SSH1: variants seen among roughly 807,000 people sequenced by gnomAD.
SSH1 encodes slingshot protein phosphatase 1.
SSH1 carries 43 observed loss-of-function variants against 79.7 expected under a neutral mutation model. The observed-to-expected ratio is 0.54, with a 90% CI of 0.42 to 0.70. The LOEUF (loss-of-function observed/expected upper bound fraction) is 0.70, where lower values mean the gene tolerates loss of function less well. SSH1 is among the 30% of genes least tolerant of loss of function. SSH1 has a pLI of 0.00. For synonymous variants in SSH1, 599 were observed against 538.3 expected (o/e 1.11, Z -1.56); for missense variants, 1,206 against 1,358.8 (o/e 0.89, Z 1.77).
chr12:108,846,775 C>T (rs891693954), intron 2 of SSH1, among the ~76,000 whole-genome samples: 2 of 152,218 alleles, frequency 1.3e-5, no homozygotes, highest in Non-Finnish European at 2.9e-5. Context: ...CAGGCCTGGA[C>T]CCAGCACCTG....
chr12:108,794,187 C>G (rs979148262), intron 13 of SSH1, among the ~76,000 whole-genome samples: 2 of 152,228 alleles, frequency 1.3e-5, no homozygotes, highest in Non-Finnish European at 2.9e-5. Context: ...CAACACCAGA[C>G]TGATATCTCC....
At chr12:108,799,779 G>A (rs1004729844) in intron 12 of SSH1, among the ~76,000 whole-genome samples, 1 of 152,076 alleles carries the variant, frequency 6.6e-6, no homozygotes, top group Non-Finnish European at 1.5e-5. Flanking sequence ...GGGGCTGGCC[G>A]TTTATTTGTA....
chr12:108,805,041 G>A lies in SSH1; in HGVS notation c.954+15C>T. 6.2e-7 allele frequency: 1 copy of A among 1,613,866 alleles called. No individual in the cohort carries two copies. Among genetic ancestry groups the A allele is most frequent in the East Asian group, 2.2e-5 (1 of 44,868 alleles). ...TGTCCCCCAAACCAGATACTGCCAG[G>A]GCCATGCCTCTTACGAGATAAAGAT... On this transcript the variant is annotated intron_variant, in intron 10 of 14. Coordinates refer to ENST00000326495, the MANE Select transcript of SSH1 (RefSeq NM_018984.4).
At chr12:108,799,804 G>A (rs2036910827) in intron 12 of SSH1, among the ~76,000 whole-genome samples, 1 of 152,132 alleles carries the variant, frequency 6.6e-6, no homozygotes, top group Non-Finnish European at 1.5e-5. Flanking sequence ...GGCAGTGCTG[G>A]CCCAGGCCTG....
chr12:108,828,894 C>T (rs1325823118), intron 2 of SSH1, among the ~76,000 whole-genome samples: 3 of 152,332 alleles, frequency 2.0e-5, no homozygotes, highest in South Asian at 2.1e-4. Context: ...AGCTACGCCA[C>T]GTCATTGAAC....
chr12:108,821,205 G>C (rs188132885), intron 3 of SSH1, among the ~76,000 whole-genome samples: 1 of 131,418 alleles, frequency 7.6e-6, no homozygotes, highest in South Asian at 2.8e-4. Flanking sequence ...CATAGTGAGT[G>C]AGACCTCATC....
In SSH1 at chr12:108,816,528, C is replaced by T. The variant is rs2037894423; in HGVS notation, c.401+510G>A. Among the ~76,000 whole-genome samples, 3 of 152,302 alleles carry T rather than the reference C, an allele frequency of 2.0e-5. No homozygotes were observed. In the South Asian group the frequency reaches 6.2e-4, roughly 32 times the overall value. On this transcript the variant is annotated intron_variant, in intron 5 of 14. Coordinates refer to ENST00000326495, the MANE Select transcript of SSH1 (RefSeq NM_018984.4). ...TTGGCCTCCAGTTAGTGGGAAATTA[C>T]AAGCTACACTTCAAGCCTCTGACTA... is the stretch of plus-strand genomic sequence containing the variant.
chr12:108,813,438 G>C (rs1421796266), intron 5 of SSH1, among the ~76,000 whole-genome samples: 1 of 151,990 alleles, frequency 6.6e-6, no homozygotes, highest in East Asian at 1.9e-4. Context: ...TCCTGCTCGG[G>C]TGTGGTGGCT....
chr12:108,779,325 G>A lies in SSH1; in HGVS notation c.*8663C>T, dbSNP rs2036126034. On this transcript the variant is annotated 3_prime_UTR_variant, in exon 15 of 15. Coordinates refer to ENST00000326495, the MANE Select transcript of SSH1 (RefSeq NM_018984.4). ...AAACACACCTTGTGTCACCCCAATA[G>A]CCTTTGGAGCAAGAAGTGGGTCCAA... 1 of 152,228 alleles carries A rather than the reference G, an allele frequency of 6.6e-6. No homozygotes were observed. The highest frequency in any genetic ancestry group is 2.4e-5 in the African/African-American group (1 of 41,456). The allele number at this position is 152,228 out of a possible 1,614,324, so 9.4% of individuals were successfully genotyped here. A position where few individuals can be genotyped will look rare whatever the true frequency, so the allele number is the denominator to read the frequency against.
intron 2 of SSH1, chr12:108,827,323 A>G: frequency 6.4e-7 from 1 of 1,550,898 alleles, no homozygotes; most frequent in Non-Finnish European, 8.7e-7. Flanking sequence ...GAAGATGCAG[A>G]AGTCGGTAAA....
chr12:108,857,334 GCCGCCCCCCTGCC>G lies in SSH1; in HGVS notation c.69+81_69+93del. 1 of 753,542 alleles carries G rather than the reference GCCGCCCCCCTGCC, an allele frequency of 1.3e-6. No individual in the cohort carries two copies. Among genetic ancestry groups the G allele is most frequent in the Non-Finnish European group, 1.6e-6 (1 of 618,484 alleles). The allele number at this position is 753,542 out of a possible 1,614,324, so 46.7% of individuals were successfully genotyped here. On this transcript the variant is annotated intron_variant, in intron 1 of 14. Transcript: ENST00000326495. The surrounding 1 kb of genome is among the most constrained non-coding windows in gnomAD (Gnocchi z 4.7). Reference sequence around the variant, plus strand: ...GGCGGGGCCCCGAGGAGCCCGCGCAGCCGCCCCCCTGCCCCGCACGCGCGGCCCCAGCTCCGGC... The same window carrying G: ...GGCGGGGCCCCGAGGAGCCCGCGCAGCCGCACGCGCGGCCCCAGCTCCGGC...
intron 5 of SSH1, among the ~76,000 whole-genome samples, chr12:108,815,474 C>T (rs75673115): frequency 2.6e-5 from 4 of 152,170 alleles, no homozygotes; most frequent in Admixed American, 6.5e-5. Flanking sequence ...GCCACACTTG[C>T]GAGGGAAGTC....
At chr12:108,849,797 C>A (rs1379656488) in intron 2 of SSH1, among the ~76,000 whole-genome samples, 1 of 135,894 alleles carries the variant, frequency 7.4e-6, no homozygotes. Context: ...GGAAGAGATT[C>A]CAACCCCAAG....
Position 108,794,722 on chromosome 12 carries a change from C to A in SSH1, c.1350-1893G>T, listed in dbSNP as rs146346949. 8.5e-5 allele frequency among the ~76,000 whole-genome samples: 13 copies of A among 152,226 alleles called. No homozygotes were observed. The East Asian group carries it at 2.5e-3, about 29-fold the overall frequency. On this transcript the variant is annotated intron_variant, in intron 13 of 14. Transcript: ENST00000326495. ...TTTTGATTCCTAAATAAGATGGCTA[C>A]GAAGATGAAAAGCTACACACCTCCC...
chr12:108,837,176 G>A (rs889151147), intron 2 of SSH1, among the ~76,000 whole-genome samples: 1 of 152,142 alleles, frequency 6.6e-6, no homozygotes, highest in Non-Finnish European at 1.5e-5. Flanking sequence ...AGGTTGCAGC[G>A]AGCTGAGATA....
intron 13 of SSH1, among the ~76,000 whole-genome samples, chr12:108,795,780 A>T (rs2036725417): frequency 6.6e-6 from 1 of 152,084 alleles, no homozygotes; most frequent in Non-Finnish European, 1.5e-5. Context: ...GAATCATTTG[A>T]GCCTGGGAGG....
intron 6 of SSH1, among the ~76,000 whole-genome samples, chr12:108,810,737 G>A (rs1185024452): frequency 6.6e-6 from 1 of 152,238 alleles, no homozygotes. Context: ...TTCCTTGGGA[G>A]TGAACGCGTG....
chr12:108,799,346 AC>A, intron 12 of SSH1, 146 bp from the exon 13 acceptor site: 1 of 678,152 alleles, frequency 1.5e-6, no homozygotes, highest in African/African-American at 1.8e-5. Context: ...AAATCCTCCT[AC>A]GTCTTAATGT....
intron 2 of SSH1, among the ~76,000 whole-genome samples, chr12:108,849,688 G>T (rs1052075092): frequency 3.3e-5 from 5 of 150,518 alleles, no homozygotes; most frequent in Non-Finnish European, 7.4e-5. Context: ...GCTATTAAAG[G>T]TAACTAAAAA....
Sources: gnomAD v4.1 joint callset for allele counts (sites outside exome capture counted in the v4.1 genomes callset) on GRCh38, gnomAD v4.1.1 for gene constraint, Gnocchi (gnomAD v3.1) non-coding constraint, MANE v1.5 for transcripts, NCBI Gene and HGNC (gene_info 2026-07-23, HGNC 2026-07-21) for gene names.